Variants in SNTB1 observed in about 807,000 individuals in gnomAD.
SNTB1 encodes syntrophin beta 1, also known as beta-1-syntrophin.
A neutral mutation model predicts 48.9 loss-of-function variants in SNTB1; 36 were observed. That is an observed-to-expected ratio of 0.74 (90% CI 0.56 to 0.97). SNTB1 has a LOEUF of 0.97. Among genes scored for constraint, SNTB1 ranks in the 50% least tolerant of loss-of-function variants. The probability of loss-of-function intolerance (pLI) is 0.00; values close to 1 mark genes in which losing one functional copy is unlikely to be tolerated. For synonymous variants in SNTB1, 299 were observed against 294.6 expected (o/e 1.01, Z -0.15); for missense variants, 786 against 703.4 (o/e 1.12, Z -1.33).
At chr8:120,540,245 C>G (rs1331837590) in intron 6 of SNTB1, among the ~76,000 whole-genome samples, 2 of 152,140 alleles carry the variant, frequency 1.3e-5, no homozygotes, top group African/African-American at 4.8e-5. Flanking sequence ...GTCCCTTCCC[C>G]CTCCACACTG....
At chr8:120,684,374 A>G (rs1416416169) in intron 2 of SNTB1, among the ~76,000 whole-genome samples, 1 of 152,174 alleles carries the variant, frequency 6.6e-6, no homozygotes, top group Non-Finnish European at 1.5e-5. Context: ...ATTCCATCAC[A>G]ATAGCCCCCA....
chr8:120,589,271 T>C (rs1013479659), intron 3 of SNTB1, among the ~76,000 whole-genome samples: 1 of 152,214 alleles, frequency 6.6e-6, no homozygotes, highest in Non-Finnish European at 1.5e-5. Flanking sequence ...CTGAGATCGG[T>C]TGACCTGAAT....
rs150154196 is a variant in SNTB1 at position 120,667,732 on chromosome 8, A to G, written c.788+25960T>C. ...AGGTTGGATATTTTTATATTCCTAAAACTATTCATCAGTGTTTTTTTTTCT... is the reference window on the plus strand; with the variant it reads ...AGGTTGGATATTTTTATATTCCTAAGACTATTCATCAGTGTTTTTTTTTCT... On this transcript the variant is annotated intron_variant, in intron 2 of 6. Coordinates refer to ENST00000517992, the MANE Select transcript of SNTB1 (RefSeq NM_021021.4). Among the ~76,000 whole-genome samples the G allele has an allele frequency of 5.5e-3, 833 of 152,240 alleles. 7 individuals are homozygous for G. Among genetic ancestry groups the G allele is most frequent in the African/African-American group, 0.019 (778 of 41,532 alleles).
At chr8:120,690,969 C>T (rs1258045952) in intron 2 of SNTB1, among the ~76,000 whole-genome samples, 1 of 152,208 alleles carries the variant, frequency 6.6e-6, no homozygotes, top group African/African-American at 2.4e-5. Flanking sequence ...TGCTGGTTCT[C>T]ACACCACAGC....
At position 120,537,153 on chromosome 8, in the gene SNTB1, CAAAT is replaced by C. The variant is rs1400954599; in HGVS notation, c.*1720_*1723del. ...TTTCTAAAGCATTAAAAAAAAAAAA[CAAAT>C]AACAACAACAAAAAAACCCACTAGC... On this transcript the variant is annotated 3_prime_UTR_variant, in exon 7 of 7. Coordinates refer to ENST00000517992, the MANE Select transcript of SNTB1 (RefSeq NM_021021.4). The C allele has an allele frequency of 1.5e-5, 2 of 132,554 alleles. No homozygotes were observed. Among genetic ancestry groups the C allele is most frequent in the East Asian group, 2.2e-4 (1 of 4,484 alleles). The allele number at this position is 132,554 out of a possible 1,614,324, so 8.2% of individuals were successfully genotyped here. A position where few individuals can be genotyped will look rare whatever the true frequency, so the allele number is the denominator to read the frequency against.
intron 4 of SNTB1, among the ~76,000 whole-genome samples, chr8:120,568,795 C>A (rs574218248): frequency 1.2e-3 from 176 of 152,338 alleles, no homozygotes; most frequent in African/African-American, 3.9e-3. Flanking sequence ...TCCTTACAGG[C>A]CTAATTGTAT....
chr8:120,785,856 C>A (rs1247703864), intron 1 of SNTB1, among the ~76,000 whole-genome samples: 1 of 152,206 alleles, frequency 6.6e-6, no homozygotes, highest in Non-Finnish European at 1.5e-5. Context: ...GGCACAATAA[C>A]ACAGCACTCA....
At chr8:120,668,980 A>G (rs923450373) in intron 2 of SNTB1, among the ~76,000 whole-genome samples, 1 of 152,198 alleles carries the variant, frequency 6.6e-6, no homozygotes, top group Admixed American at 6.5e-5. Flanking sequence ...GCTCCACCTT[A>G]GAAGCTGAGG....
At chr8:120,723,286 A>G (rs1818697834) in intron 1 of SNTB1, among the ~76,000 whole-genome samples, 1 of 152,238 alleles carries the variant, frequency 6.6e-6, no homozygotes, top group Admixed American at 6.5e-5. Context: ...AAGGAGCTGT[A>G]TATGACATAT....
chr8:120,805,820 T>C lies in SNTB1; in HGVS notation c.571+5453A>G, dbSNP rs1820325767. On this transcript the variant is annotated intron_variant, in intron 1 of 6. Coordinates refer to ENST00000517992, the MANE Select transcript of SNTB1 (RefSeq NM_021021.4). The stretch of plus-strand genomic sequence containing the variant: ...CTAATCAACAAATTGGGGATAAGCA[T>C]CCCTTATCTACTTATCTCCTAGGGC... Among the ~76,000 whole-genome samples, 4 of 152,218 alleles carry C rather than the reference T, an allele frequency of 2.6e-5. No homozygotes were observed. The South Asian group carries it at 8.3e-4, about 32-fold the overall frequency.
chr8:120,663,303 A>C (rs1404260243), intron 2 of SNTB1, among the ~76,000 whole-genome samples: 1 of 152,206 alleles, frequency 6.6e-6, no homozygotes, highest in African/African-American at 2.4e-5. Context: ...TAAGCCAAAA[A>C]GGAAGAGTAG....
At chr8:120,608,255 A>G (rs1251118509) in intron 3 of SNTB1, among the ~76,000 whole-genome samples, 1 of 152,242 alleles carries the variant, frequency 6.6e-6, no homozygotes, top group Non-Finnish European at 1.5e-5. Context: ...TAATGAACAC[A>G]TCATATAGGA....
intron 3 of SNTB1, among the ~76,000 whole-genome samples, chr8:120,616,270 C>G (rs757548320): frequency 6.6e-6 from 1 of 151,002 alleles, no homozygotes; most frequent in South Asian, 2.1e-4. Context: ...GACTACTTGA[C>G]TCAACACTGG....
chr8:120,662,668 T>G (rs1817609313), intron 2 of SNTB1, among the ~76,000 whole-genome samples: 1 of 152,026 alleles, frequency 6.6e-6, no homozygotes, highest in African/African-American at 2.4e-5. Flanking sequence ...TTCCAAACAT[T>G]TGTTCCCTCC....
chr8:120,669,181 C>T (rs1817720493), intron 2 of SNTB1, among the ~76,000 whole-genome samples: 1 of 152,208 alleles, frequency 6.6e-6, no homozygotes, highest in Admixed American at 6.5e-5. Context: ...AGAGTGGGCG[C>T]TATTCTAAAT....
At chr8:120,747,451 C>T (rs770156007) in intron 1 of SNTB1, among the ~76,000 whole-genome samples, 38 of 152,042 alleles carry the variant, frequency 2.5e-4, no homozygotes, top group African/African-American at 6.8e-4. Flanking sequence ...CCACCATGCC[C>T]GGCTCATTTT....
intron 6 of SNTB1, among the ~76,000 whole-genome samples, chr8:120,541,419 T>C (rs1238658338): frequency 6.6e-6 from 1 of 152,182 alleles, no homozygotes; most frequent in African/African-American, 2.4e-5. Context: ...CTCGGAGACT[T>C]CCCTGACGGT....
chr8:120,783,299 A>G lies in SNTB1; in HGVS notation c.571+27974T>C, dbSNP rs181679338. Among the ~76,000 whole-genome samples, 24 of 152,274 alleles carry G rather than the reference A, an allele frequency of 1.6e-4. 1 individual carries two copies. Among genetic ancestry groups the G allele is most frequent in the African/African-American group, 5.5e-4 (23 of 41,550 alleles). The stretch of plus-strand genomic sequence containing the variant: ...ATTCAACAATTGTGGGAAAATCTCA[A>G]TCTAAATGTGGGTTGCTTTTTTAAA... On this transcript the variant is annotated intron_variant, in intron 1 of 6. Transcript: ENST00000517992.
chr8:120,724,280 A>G (rs978877268), intron 1 of SNTB1, among the ~76,000 whole-genome samples: 1 of 152,212 alleles, frequency 6.6e-6, no homozygotes, highest in Non-Finnish European at 1.5e-5. Context: ...AGTGAGAGCC[A>G]TGGGCCCAGG....
Sources: allele counts gnomAD v4.1 joint callset (sites outside exome capture counted in the v4.1 genomes callset), GRCh38; gene constraint gnomAD v4.1.1; transcripts MANE v1.5; gene names NCBI Gene and HGNC (gene_info 2026-07-23, HGNC 2026-07-21).